The following MTR variants were observed in gnomAD, a reference collection of about 807,000 sequenced individuals.
MTR encodes the protein 5-methyltetrahydrofolate-homocysteine methyltransferase, also known as methionine synthase.
In MTR, 84 loss-of-function variants were observed where a neutral mutation model predicts 154.8. That is an observed-to-expected ratio of 0.54 (90% CI 0.45 to 0.65). The LOEUF is 0.65. Ranked by LOEUF, MTR falls within the 30% of genes least tolerant of loss-of-function variation. The pLI, the probability that MTR is intolerant of heterozygous loss-of-function variation, is 0.00. For synonymous variants in MTR, 554 were observed against 553.9 expected (o/e 1.00, Z 0.00); for missense variants, 1,275 against 1,570.2 (o/e 0.81, Z 3.18).
At chr1:236,831,475 T>G (rs1662608391) in intron 12 of MTR, among the ~76,000 whole-genome samples, 1 of 152,184 alleles carries the variant, frequency 6.6e-6, no homozygotes, top group African/African-American at 2.4e-5. Flanking sequence ...TTGTTGATTA[T>G]GGGTTCTAGG....
At position 236,861,114 on chromosome 1, in the gene MTR, G is replaced by GTTTTTTTT; in HGVS notation, c.2044-10_2044-9insTTTTTTTT. 3.7e-6 allele frequency: 2 copies of GTTTTTTTT among 541,860 alleles called. No individual in the cohort carries two copies. The highest frequency in any genetic ancestry group is 2.6e-6 in the Non-Finnish European group (1 of 384,630). The allele number at this position is 541,860 out of a possible 1,614,324, so 33.6% of individuals were successfully genotyped here. A position where few individuals can be genotyped will look rare whatever the true frequency, so the allele number is the denominator to read the frequency against. ...TTCTTTTTCTTTTTTTTTTTTTTTT[G>GTTTTTTTT]TCTTTTTTAGGGCATTGAAAAACAT... is the stretch of plus-strand genomic sequence containing the variant. On this transcript the variant is annotated splice_polypyrimidine_tract_variant and intron_variant, in intron 19 of 32. Coordinates refer to ENST00000366577, the MANE Select transcript of MTR (RefSeq NM_000254.3).
intron 24 of MTR, 45 bp from the exon 25 acceptor site, chr1:236,880,710 T>C: frequency 6.9e-7 from 1 of 1,444,408 alleles, no homozygotes. Flanking sequence ...GTATAGGAAC[T>C]GTCAGTGCTG....
At chr1:236,824,726 A>G (rs1409762396) in intron 9 of MTR, among the ~76,000 whole-genome samples, 1 of 152,214 alleles carries the variant, frequency 6.6e-6, no homozygotes, top group Non-Finnish European at 1.5e-5. Context: ...ATCCCTGTGA[A>G]TGTATTTGAG....
rs1661533312 is a variant in MTR at position 236,815,470 on chromosome 1, C to T, written c.610-134C>T. 1.1e-5 allele frequency: 9 copies of T among 849,714 alleles called. No homozygotes were observed. The South Asian group carries it at 1.1e-4, about 10-fold the overall frequency. 52.6% of individuals were successfully genotyped at this position (849,714 alleles called of 1,614,324 possible). A position where few individuals can be genotyped will look rare whatever the true frequency, so the allele number is the denominator to read the frequency against. On this transcript the variant is annotated intron_variant, in intron 6 of 32. Coordinates refer to ENST00000366577, the MANE Select transcript of MTR (RefSeq NM_000254.3). The stretch of plus-strand genomic sequence containing the variant: ...CTGGGGTTGTGCCTTATAAGGAAGA[C>T]ACTTCTTCCCAGAGAGCTTGATGTA...
In MTR at chr1:236,895,591, A is replaced by G. The variant is rs769600150; in HGVS notation, c.3598+41A>G. The G allele has an allele frequency of 3.9e-6, 6 of 1,545,528 alleles. No individual in the cohort carries two copies. In the Admixed American group the frequency reaches 5.9e-5, roughly 15 times the overall value. ...CTGCGGGTTCCTGTCTTCCTTCTTC[A>G]GTAGATACTCTTATCAGCATACTGG... is the stretch of plus-strand genomic sequence containing the variant. On this transcript the variant is annotated intron_variant, in intron 31 of 32. Transcript: ENST00000366577.
intron 3 of MTR, among the ~76,000 whole-genome samples, chr1:236,808,043 CT>C (rs1350703961): frequency 6.6e-6 from 1 of 152,142 alleles, no homozygotes; most frequent in Non-Finnish European, 1.5e-5. Flanking sequence ...CACATAGGAT[CT>C]TAGGAATTCA....
At chr1:236,832,751 A>T (rs1662684290) in intron 13 of MTR, among the ~76,000 whole-genome samples, 1 of 152,152 alleles carries the variant, frequency 6.6e-6, no homozygotes, top group Non-Finnish European at 1.5e-5. Flanking sequence ...TGCAACCTTT[A>T]GGAGATCTTC....
At chr1:236,855,745 A>G (rs1415683905) in intron 18 of MTR, among the ~76,000 whole-genome samples, 1 of 152,208 alleles carries the variant, frequency 6.6e-6, no homozygotes, top group Admixed American at 6.5e-5. Context: ...AGATACAAGG[A>G]GTAGCCAGAT....
At chr1:236,807,653 A>G (rs985774534) in intron 3 of MTR, among the ~76,000 whole-genome samples, 3 of 152,168 alleles carry the variant, frequency 2.0e-5, no homozygotes, top group African/African-American at 7.2e-5. Flanking sequence ...AACCTTGATG[A>G]TAGAAATATA....
At chr1:236,853,989 A>G (rs1664060503) in intron 18 of MTR, among the ~76,000 whole-genome samples, 1 of 152,238 alleles carries the variant, frequency 6.6e-6, no homozygotes, top group Admixed American at 6.5e-5. Flanking sequence ...ATGATGGCAA[A>G]GGAAGATATT....
At chr1:236,807,755 G>A (rs1380593833) in intron 3 of MTR, among the ~76,000 whole-genome samples, 2 of 152,066 alleles carry the variant, frequency 1.3e-5, no homozygotes, top group Non-Finnish European at 2.9e-5. Flanking sequence ...TTACTTTTGT[G>A]TCATTTTAGA....
chr1:236,872,404 G>T (rs1665186128), intron 22 of MTR, among the ~76,000 whole-genome samples: 1 of 152,214 alleles, frequency 6.6e-6, no homozygotes, highest in East Asian at 1.9e-4. Context: ...CTTGCGTTAA[G>T]TAATCAGAGT....
At position 236,898,894 on chromosome 1, in the gene MTR, C is replaced by A. The variant is rs749884374; in HGVS notation, c.*1250C>A. On this transcript the variant is annotated 3_prime_UTR_variant, in exon 33 of 33. Coordinates refer to ENST00000366577, the MANE Select transcript of MTR (RefSeq NM_000254.3). ...CACCACTCAAGCAACAAGCCTCAAA[C>A]TCAACCATGTCATCTTTTTCTTGGA... The A allele has an allele frequency of 1.3e-5, 2 of 152,166 alleles. No individual in the cohort carries two copies. The highest frequency in any genetic ancestry group is 4.8e-5 in the African/African-American group (2 of 41,426). The allele number at this position is 152,166 out of a possible 1,614,324, so 9.4% of individuals were successfully genotyped here.
chr1:236,874,417 A>C lies in MTR; in HGVS notation c.2474-309A>C, dbSNP rs12354279. Among the ~76,000 whole-genome samples, 6,906 of 152,016 alleles carry C rather than the reference A, an allele frequency of 0.045. 481 individuals are homozygous for C. The highest frequency in any genetic ancestry group is 0.2 in the East Asian group (1,024 of 5,138). On this transcript the variant is annotated intron_variant, in intron 23 of 32. Transcript: ENST00000366577. ...TGGTGAAACCCTGTCTCTACTAAAA[A>C]TACAAAAATTAGCCAAGCTTGGTGG...
intron 1 of MTR, among the ~76,000 whole-genome samples, chr1:236,799,814 G>T (rs1235383789): frequency 6.6e-6 from 1 of 150,900 alleles, no homozygotes; most frequent in Non-Finnish European, 1.5e-5. Context: ...AAATTAAGAG[G>T]TTGGTCTTTT....
intron 18 of MTR, among the ~76,000 whole-genome samples, chr1:236,854,805 G>A (rs1245816201): frequency 1.3e-5 from 2 of 152,158 alleles, no homozygotes; most frequent in East Asian, 1.9e-4. Context: ...CACTTTTAGC[G>A]TTTGTTTACT....
rs772043701 is a variant in MTR, at chr1:236,829,198, T to A, written c.1005T>A (p.Ala335=). The change falls in exon 12 of 33, where the codon GCT becomes GCA. Residue 335 remains alanine (A), a synonymous_variant. Transcript: ENST00000366577. ...TCCTCTTTCAACTCAGGGAAATTGC[T>A]GAAGCTGTGAAAAATTGTAAGCCTA... ...GSTPDHIREI[A]EAVKNCKPRV... is the part of the protein sequence containing the mutation. 1 of 1,613,566 alleles carries A rather than the reference T, an allele frequency of 6.2e-7. No individual in the cohort carries two copies. Among genetic ancestry groups the A allele is most frequent in the Non-Finnish European group, 8.5e-7 (1 of 1,179,472 alleles).
In MTR at chr1:236,835,696, A is replaced by G. The variant is rs751176104; in HGVS notation, c.1329+9A>G. 3.7e-6 allele frequency: 6 copies of G among 1,613,082 alleles called. No homozygotes were observed. In the East Asian group the frequency reaches 1.3e-4, roughly 36 times the overall value. ...AGCCAGACATCGCAAAGGTTATACA[A>G]AGTTTATGTTTATCAGGGGGATTTA... On this transcript the variant is annotated intron_variant, in intron 14 of 32. Coordinates refer to ENST00000366577, the MANE Select transcript of MTR (RefSeq NM_000254.3).
Position 236,825,464 on chromosome 1 carries a change from T to TCTAAA in MTR, c.927+65_927+66insCTAAA. 3 of 1,434,954 alleles carry TCTAAA rather than the reference T, an allele frequency of 2.1e-6. No homozygotes were observed. The Admixed American group carries it at 5.0e-5, about 24-fold the overall frequency. The allele number at this position is 1,434,954 out of a possible 1,614,324, so 88.9% of individuals were successfully genotyped here. A position where few individuals can be genotyped will look rare whatever the true frequency, so the allele number is the denominator to read the frequency against. ...GAAAGATTGAATTTTAGATTTAGAG[T>TCTAAA]ATTTAGAAGGAGAATTTTCCCTGAA... is the stretch of plus-strand genomic sequence containing the variant. On this transcript the variant is annotated intron_variant, in intron 10 of 32. Transcript: ENST00000366577.
Sources: allele counts gnomAD v4.1 joint callset (sites outside exome capture counted in the v4.1 genomes callset), GRCh38; gene constraint gnomAD v4.1.1; transcripts MANE v1.5; gene names NCBI Gene and HGNC (gene_info 2026-07-23, HGNC 2026-07-21).